The following ARHGAP15 variants were observed in gnomAD, a reference collection of about 807,000 sequenced individuals.
ARHGAP15 encodes rho GTPase-activating protein 15.
ARHGAP15 carries 51 observed loss-of-function variants against 63.7 expected under a neutral mutation model. The ratio of observed to expected loss-of-function variants is 0.80; its 90% CI spans 0.64 to 1.01. ARHGAP15 has a LOEUF of 1.01. Ranked by LOEUF, ARHGAP15 falls within the 50% of genes least tolerant of loss-of-function variation. ARHGAP15 has a pLI of 0.00. For missense variants in ARHGAP15, 560 were observed against 564.6 expected, an observed-to-expected ratio of 0.99 and a Z score of 0.08; for synonymous variants, 191 against 193.8, an observed-to-expected ratio of 0.99 and a Z score of 0.12.
intron 12 of ARHGAP15, among the ~76,000 whole-genome samples, chr2:143,635,057 GACAC>G (rs373366118): frequency 7.9e-5 from 12 of 151,348 alleles, no homozygotes; most frequent in Admixed American, 7.3e-4. Context: ...GGGACAGACA[GACAC>G]ACACACACAC....
At chr2:143,383,751 T>C (rs1220313218) in intron 6 of ARHGAP15, among the ~76,000 whole-genome samples, 1 of 152,182 alleles carries the variant, frequency 6.6e-6, no homozygotes, top group East Asian at 1.9e-4. Flanking sequence ...TCCTAATTCA[T>C]TTGCTTTGAC....
At chr2:143,416,576 C>T (rs1688688445) in intron 6 of ARHGAP15, among the ~76,000 whole-genome samples, 1 of 152,150 alleles carries the variant, frequency 6.6e-6, no homozygotes, top group Non-Finnish European at 1.5e-5. Context: ...GGTTTGTTTT[C>T]TAGCTGGTAT....
intron 6 of ARHGAP15, among the ~76,000 whole-genome samples, chr2:143,281,387 T>C (rs1681842129): frequency 1.3e-5 from 2 of 152,236 alleles, no homozygotes; most frequent in Admixed American, 6.5e-5. Context: ...CTAAGGAGCA[T>C]AGCAAGATGA....
At chr2:143,625,133 GAAGA>G (rs527541837) in intron 12 of ARHGAP15, among the ~76,000 whole-genome samples, 34 of 152,006 alleles carry the variant, frequency 2.2e-4, no homozygotes, top group African/African-American at 8.2e-4. Context: ...GAAAAAGAAA[GAAGA>G]AAGAAAGGTA....
chr2:143,611,479 A>G (rs922029359), intron 11 of ARHGAP15, among the ~76,000 whole-genome samples: 5 of 152,172 alleles, frequency 3.3e-5, no homozygotes, highest in African/African-American at 9.7e-5. Context: ...CTTTGTTACT[A>G]TGAAAATGAC....
intron 9 of ARHGAP15, among the ~76,000 whole-genome samples, chr2:143,515,300 T>C (rs1193642358): frequency 1.3e-5 from 2 of 151,806 alleles, no homozygotes; most frequent in African/African-American, 2.4e-5. Context: ...TAATGTCATG[T>C]CATATGCTTT....
chr2:143,260,763 A>C lies in ARHGAP15; in HGVS notation c.474+10163A>C, dbSNP rs144610296. Among the ~76,000 whole-genome samples the C allele has an allele frequency of 3.9e-5, 6 of 152,250 alleles. No individual in the cohort carries two copies. In the East Asian group the frequency reaches 1.2e-3, roughly 29 times the overall value. On this transcript the variant is annotated intron_variant, in intron 6 of 13. Transcript: ENST00000295095. ...TTTGTTACTAGCTATTTCTACCACTAAAAATAATTCCTTCTTCAAAATATG... is the reference window on the plus strand; with the variant it reads ...TTTGTTACTAGCTATTTCTACCACTCAAAATAATTCCTTCTTCAAAATATG...
At chr2:143,471,249 T>TAC (rs1372102102) in intron 8 of ARHGAP15, among the ~76,000 whole-genome samples, 4 of 150,048 alleles carry the variant, frequency 2.7e-5, no homozygotes, top group African/African-American at 7.3e-5. Context: ...TGTGTATATA[T>TAC]ACACACATAT....
chr2:143,326,270 A>G (rs1296083545), intron 6 of ARHGAP15, among the ~76,000 whole-genome samples: 1 of 152,160 alleles, frequency 6.6e-6, no homozygotes. Context: ...TAATCCTGTG[A>G]GTAAACAACA....
At chr2:143,656,934 G>GGTGTGTGTGTGT (rs5834961) in intron 12 of ARHGAP15, among the ~76,000 whole-genome samples, 2,574 of 145,008 alleles carry the variant, frequency 0.018, 54 homozygotes, top group East Asian at 0.032. Flanking sequence ...CAAAGTTTCT[G>GGTGTGTGTGTGT]GTGTGTGTGT....
intron 8 of ARHGAP15, among the ~76,000 whole-genome samples, chr2:143,449,021 A>C (rs569001934): frequency 6.6e-6 from 1 of 152,240 alleles, no homozygotes; most frequent in South Asian, 2.1e-4. Flanking sequence ...TATATTGGTC[A>C]TGCTATGACA....
intron 6 of ARHGAP15, among the ~76,000 whole-genome samples, chr2:143,323,259 T>C (rs1426640034): frequency 6.6e-6 from 1 of 152,206 alleles, no homozygotes; most frequent in East Asian, 1.9e-4. Context: ...AGTGAACCCA[T>C]CACACAAATA....
chr2:143,270,584 G>A (rs927857149), intron 6 of ARHGAP15, among the ~76,000 whole-genome samples: 4 of 152,020 alleles, frequency 2.6e-5, no homozygotes, highest in African/African-American at 4.8e-5. Context: ...CTAATGTTTC[G>A]TGATGCTTAT....
At chr2:143,486,934 T>G (rs976818986) in intron 8 of ARHGAP15, among the ~76,000 whole-genome samples, 1 of 152,180 alleles carries the variant, frequency 6.6e-6, no homozygotes, top group African/African-American at 2.4e-5. Flanking sequence ...ATTGACAAGT[T>G]TATTCAAGCA....
At chr2:143,255,271 C>G (rs1304653241) in intron 6 of ARHGAP15, among the ~76,000 whole-genome samples, 1 of 151,982 alleles carries the variant, frequency 6.6e-6, no homozygotes, top group African/African-American at 2.4e-5. Context: ...GTTATCCTCC[C>G]CCCGCCACCA....
chr2:143,573,000 GTTTC>G (rs1169378063), intron 11 of ARHGAP15, among the ~76,000 whole-genome samples: 1 of 151,984 alleles, frequency 6.6e-6, no homozygotes, highest in Non-Finnish European at 1.5e-5. Context: ...CTTTATATTT[GTTTC>G]TTTATTCCAT....
At chr2:143,585,557 A>T (rs1468442561) in intron 11 of ARHGAP15, among the ~76,000 whole-genome samples, 4 of 152,184 alleles carry the variant, frequency 2.6e-5, no homozygotes, top group African/African-American at 9.6e-5. Context: ...TTTTATGTTT[A>T]GTTCTACTTG....
chr2:143,492,620 G>A (rs932036956), intron 9 of ARHGAP15, among the ~76,000 whole-genome samples: 2 of 152,136 alleles, frequency 1.3e-5, no homozygotes, highest in Admixed American at 1.3e-4. Context: ...AAGTTAGCCA[G>A]GCGTGGTGAT....
intron 11 of ARHGAP15, among the ~76,000 whole-genome samples, chr2:143,565,286 T>G (rs558546603): frequency 6.6e-6 from 1 of 152,240 alleles, no homozygotes; most frequent in South Asian, 2.1e-4. Context: ...ATTTTCCAGG[T>G]GTTCAGCCTA....
Sources: allele counts gnomAD v4.1 joint callset (sites outside exome capture counted in the v4.1 genomes callset), GRCh38; gene constraint gnomAD v4.1.1; transcripts MANE v1.5; gene names NCBI Gene and HGNC (gene_info 2026-07-23, HGNC 2026-07-21).